Variants in PCCB observed in about 807,000 individuals in gnomAD.
PCCB encodes propionyl-CoA carboxylase beta chain, mitochondrial.
Under a neutral mutation model 60.7 loss-of-function variants are expected in PCCB, and 43 were observed. The observed-to-expected ratio is 0.71, with a 90% CI of 0.55 to 0.91. The LOEUF (loss-of-function observed/expected upper bound fraction) is 0.91, where lower values mean the gene tolerates loss of function less well. PCCB is among the 40% of genes least tolerant of loss of function. The pLI is 0.00. For missense variants in PCCB, 766 were observed against 702.8 expected, an observed-to-expected ratio of 1.09 and a Z score of -1.02; for synonymous variants, 276 against 255.9, an observed-to-expected ratio of 1.08 and a Z score of -0.75.
chr3:136,295,402 G>A (rs1933885048), intron 7 of PCCB, among the ~76,000 whole-genome samples: 1 of 152,208 alleles, frequency 6.6e-6, no homozygotes, highest in South Asian at 2.1e-4. Context: ...CCCCATGTCA[G>A]GTTGGCATCG....
In PCCB at chr3:136,305,770, A is replaced by G. The variant is rs1348672704; in HGVS notation, c.966+4659A>G. On this transcript the variant is annotated intron_variant, in intron 9 of 14. Coordinates refer to ENST00000251654, the MANE Select transcript of PCCB (RefSeq NM_000532.5). ...CTAAAAAAAAAAAAAAAGAAAGAAA[A>G]AAAGTGAATATGCTAGAAAAGAGTC... is the stretch of plus-strand genomic sequence containing the variant. 3.0e-4 allele frequency among the ~76,000 whole-genome samples: 36 copies of G among 120,204 alleles called. 4 individuals carry two copies. Among genetic ancestry groups the G allele is most frequent in the Admixed American group, 8.1e-4 (8 of 9,888 alleles). The allele number at this position is 120,204 out of a possible 152,430, so 78.9% of individuals were successfully genotyped here.
chr3:136,305,711 T>C (rs1429177323), intron 9 of PCCB, among the ~76,000 whole-genome samples: 6 of 112,714 alleles, frequency 5.3e-5, no homozygotes, highest in African/African-American at 1.3e-4. Context: ...ATTGCACCAT[T>C]GCATTTCAGC....
Position 136,301,026 on chromosome 3 carries a change from A to C in PCCB, c.885-4A>C, listed in dbSNP as rs535943678. 1.4e-5 allele frequency: 23 copies of C among 1,613,698 alleles called. No homozygotes were observed. The African/African-American group carries it at 2.5e-4, about 18-fold the overall frequency. On this transcript the variant is annotated splice_polypyrimidine_tract_variant and splice_region_variant and intron_variant, in intron 8 of 14. Transcript: ENST00000251654. ...GACTATACCTGCCTTTTTTCTGCCT[A>C]AAGTGACCGTCTGGTTCCTGAGCTT...
chr3:136,289,107 C>G (rs1275470146), intron 6 of PCCB, among the ~76,000 whole-genome samples: 2 of 152,162 alleles, frequency 1.3e-5, no homozygotes, highest in Non-Finnish European at 2.9e-5. Flanking sequence ...ATCCTCTCAC[C>G]TAGGGCCCTT....
At chr3:136,272,782 A>G (rs1448383577) in intron 5 of PCCB, among the ~76,000 whole-genome samples, 1 of 151,928 alleles carries the variant, frequency 6.6e-6, no homozygotes, top group Non-Finnish European at 1.5e-5. Context: ...TATTTTTTCA[A>G]GGAACCAAGT....
chr3:136,301,476 G>T (rs1560020969), intron 9 of PCCB, among the ~76,000 whole-genome samples: 1 of 152,108 alleles, frequency 6.6e-6, no homozygotes. Flanking sequence ...CTCAGAGGGG[G>T]TTTTGTCTTT....
In PCCB at chr3:136,305,021, C is replaced by G. The variant is rs1934412252; in HGVS notation, c.966+3910C>G. ...TTCCAATTTTTAAAAGAATTCCAGT[C>G]CTAACAGATTAGGGTCCCCCTCTTA... On this transcript the variant is annotated intron_variant, in intron 9 of 14. Transcript: ENST00000251654. Among the ~76,000 whole-genome samples the G allele has an allele frequency of 3.3e-5, 4 of 121,234 alleles. 1 individual carries two copies. The allele number at this position is 121,234 out of a possible 152,430, so 79.5% of individuals were successfully genotyped here.
intron 3 of PCCB, chr3:136,260,164 C>T (rs1941781397): frequency 2.3e-6 from 1 of 439,976 alleles, no homozygotes; most frequent in African/African-American, 2.0e-5. Flanking sequence ...GCCTCTGTCT[C>T]CAGGGCTCAA....
intron 5 of PCCB, among the ~76,000 whole-genome samples, chr3:136,276,758 A>T: frequency 6.6e-6 from 1 of 152,162 alleles, no homozygotes; most frequent in East Asian, 1.9e-4. Context: ...ATGAGCAGCA[A>T]AGCTGCCTGA....
intron 10 of PCCB, among the ~76,000 whole-genome samples, chr3:136,325,168 G>A (rs1359026958): frequency 6.6e-6 from 1 of 152,074 alleles, no homozygotes; most frequent in African/African-American, 2.4e-5. Flanking sequence ...GGGATTACAG[G>A]TGTGAGCCAC....
chr3:136,317,020 G>A lies in PCCB; in HGVS notation c.1046G>A (p.Gly349Glu), dbSNP rs1362994496. 1 of 1,613,902 alleles carries A rather than the reference G, an allele frequency of 6.2e-7. No individual in the cohort carries two copies. The highest frequency in any genetic ancestry group is 1.7e-5 in the Admixed American group (1 of 59,990). ...ATTGTTGGTTTTGCAAGAATGAATG[G>A]GAGGACTGTTGGAATTGTTGGCAAC... ...NIIVGFARMN[G>E]RTVGIVGNQP... Residue 349 changes from glycine to glutamate, a missense_variant, in exon 10 of 15, where the codon GGG becomes GAG. Gly to Glu is a moderately conservative substitution (Grantham distance 98). Coordinates refer to ENST00000251654, the MANE Select transcript of PCCB (RefSeq NM_000532.5).
intron 10 of PCCB, chr3:136,326,302 C>T (rs1330960543): frequency 1.4e-6 from 1 of 702,168 alleles, no homozygotes; most frequent in Non-Finnish European, 2.6e-6. Context: ...AGTAATTGAG[C>T]TCCTACTCTG....
At chr3:136,259,802 G>C (rs1941771873) in intron 3 of PCCB, among the ~76,000 whole-genome samples, 1 of 152,118 alleles carries the variant, frequency 6.6e-6, no homozygotes, top group Non-Finnish European at 1.5e-5. Context: ...GCCCAGGCTG[G>C]AGTGCACTGG....
At chr3:136,318,085 T>C (rs553017904) in intron 10 of PCCB, among the ~76,000 whole-genome samples, 32 of 152,344 alleles carry the variant, frequency 2.1e-4, no homozygotes, top group African/African-American at 7.2e-4. Flanking sequence ...ACGCCTGTAA[T>C]CCCAGCACTT....
chr3:136,283,342 A>G (rs1942527001), intron 5 of PCCB, among the ~76,000 whole-genome samples: 1 of 152,120 alleles, frequency 6.6e-6, no homozygotes. Context: ...TGGGCAGAGT[A>G]GACACTGGGT....
chr3:136,252,211 A>T (rs1941536078), intron 1 of PCCB: 1 of 450,752 alleles, frequency 2.2e-6, no homozygotes, highest in South Asian at 1.6e-5. Context: ...ATTTTTGACC[A>T]TTTCCGTAGA....
chr3:136,264,923 C>T (rs1008851949), intron 5 of PCCB, among the ~76,000 whole-genome samples: 10 of 135,080 alleles, frequency 7.4e-5, no homozygotes, highest in East Asian at 2.3e-4. Context: ...GGGCCGGGCA[C>T]GGTGGCTCAT....
intron 10 of PCCB, among the ~76,000 whole-genome samples, chr3:136,321,518 G>C (rs1935108918): frequency 6.6e-6 from 1 of 152,176 alleles, no homozygotes; most frequent in East Asian, 1.9e-4. Context: ...GGCAGCAGGA[G>C]AGAGAAGTGC....
intron 9 of PCCB, among the ~76,000 whole-genome samples, chr3:136,315,851 T>G (rs1934869623): frequency 6.6e-6 from 1 of 151,076 alleles, no homozygotes; most frequent in Non-Finnish European, 1.5e-5. Flanking sequence ...ATTGTGGTAA[T>G]GTTTATTTCC....
Sources: gnomAD v4.1 joint callset for allele counts (sites outside exome capture counted in the v4.1 genomes callset) on GRCh38, gnomAD v4.1.1 for gene constraint, MANE v1.5 for transcripts, NCBI Gene and HGNC (gene_info 2026-07-23, HGNC 2026-07-21) for gene names.